Variants in HYDIN observed in about 807,000 individuals in gnomAD.
HYDIN encodes the protein axonemal central pair apparatus protein HYDIN.
Under a neutral mutation model 403.9 loss-of-function variants are expected in HYDIN, and 132 were observed. The ratio of observed to expected loss-of-function variants is 0.33; its 90% confidence interval spans 0.28 to 0.38. The LOEUF is 0.38. Ranked by LOEUF, HYDIN falls within the 10% of genes least tolerant of loss-of-function variation. HYDIN has a pLI of 1.00. For missense variants in HYDIN, 2,827 were observed against 5,009.5 expected (o/e 0.56, Z 13.15); for synonymous variants, 1,202 against 1,891.7 (o/e 0.64, Z 9.46).
At chr16:71,185,680 C>T (rs2087114025) in intron 2 of HYDIN, among the ~76,000 whole-genome samples, 1 of 152,028 alleles carries the variant, frequency 6.6e-6, no homozygotes, top group African/African-American at 2.4e-5. Flanking sequence ...AGTAACCTAG[C>T]ATTTAAATAA....
At chr16:70,957,328 A>ATTTTT (rs567388952) in intron 39 of HYDIN, among the ~76,000 whole-genome samples, 1 of 137,528 alleles carries the variant, frequency 7.3e-6, no homozygotes, top group African/African-American at 2.7e-5. Flanking sequence ...TTTCCTTCCT[A>ATTTTT]TTTTTTTTTT....
chr16:70,808,567 A>T (rs2035252577), intron 85 of HYDIN, among the ~76,000 whole-genome samples: 1 of 152,180 alleles, frequency 6.6e-6, no homozygotes, highest in Non-Finnish European at 1.5e-5. Flanking sequence ...AGAGACTGAG[A>T]TGAGCAGGGT....
chr16:70,942,749 T>C, intron 42 of HYDIN, among the ~76,000 whole-genome samples: 1 of 152,148 alleles, frequency 6.6e-6, no homozygotes. Flanking sequence ...ATTCCTTCTC[T>C]GCAGCTAAAC....
rs1597177084 is a variant in HYDIN at position 70,871,040 on chromosome 16, A to C, written c.11091+997T>G. 3.3e-5 allele frequency among the ~76,000 whole-genome samples: 5 copies of C among 152,270 alleles called. No homozygotes were observed. In the East Asian group the frequency reaches 9.6e-4, roughly 29 times the overall value. ...AGTGAGACTATCTCAACAAACAAAC[A>C]AAAACAAAAAAAAGTAGTATCTGCC... On this transcript the variant is annotated intron_variant, in intron 65 of 85. Transcript: ENST00000393567.
At chr16:71,098,546 ATT>A (rs1476414485) in intron 10 of HYDIN, among the ~76,000 whole-genome samples, 7 of 151,146 alleles carry the variant, frequency 4.6e-5, no homozygotes, top group Non-Finnish European at 1.5e-5. Context: ...CTACTCTATT[ATT>A]TTTGAGGTCT....
Position 70,818,556 on chromosome 16 carries a change from T to C in HYDIN, c.14444A>G (p.Glu4815Gly), listed in dbSNP as rs769887534. 7.3e-5 allele frequency: 85 copies of C among 1,158,296 alleles called. 1 individual carries two copies. The African/African-American group carries it at 1.3e-3, about 18-fold the overall frequency. 71.8% of individuals were successfully genotyped at this position (1,158,296 alleles called of 1,614,324 possible). A position where few individuals can be genotyped will look rare whatever the true frequency, so the allele number is the denominator to read the frequency against. The change falls in exon 84 of 86, where the codon GAG becomes GGG. Residue 4815 changes from glutamate (E) to glycine (G), a missense_variant. Physicochemically the swap from Glu to Gly is moderately conservative, Grantham distance 98. Coordinates refer to ENST00000393567, the MANE Select transcript of HYDIN (RefSeq NM_001270974.2). ...TYAAKVIFRN[E>G]VTNEFLYYNV... Reference sequence around the variant, plus strand: ...GTAGTACAAGAACTCATTTGTCACCTCGTTTCGGAAGATCACCTGCATTCA... The same window carrying C: ...GTAGTACAAGAACTCATTTGTCACCCCGTTTCGGAAGATCACCTGCATTCA...
intron 1 of HYDIN, among the ~76,000 whole-genome samples, chr16:71,194,583 A>T (rs569319006): frequency 6.6e-6 from 1 of 152,322 alleles, no homozygotes; most frequent in Admixed American, 6.5e-5. Context: ...TAACAATAAA[A>T]AGAGTGAGCC....
Position 70,805,421 on chromosome 16 carries a change from G to A in HYDIN, c.*2159C>T, listed in dbSNP as rs1270813842. ...GCCACTCCGAATAACCAGGAGGCTC[G>A]AGGCTTTAGAGTCGTGGTTCTCACA... On this transcript the variant is annotated 3_prime_UTR_variant, in exon 86 of 86. Coordinates refer to ENST00000393567, the MANE Select transcript of HYDIN (RefSeq NM_001270974.2). 3.3e-5 allele frequency among the ~76,000 whole-genome samples: 5 copies of A among 152,170 alleles called. No homozygotes were observed. The highest frequency in any genetic ancestry group is 2.0e-4 in the Admixed American group (3 of 15,282).
chr16:71,002,682 T>A (rs1223954995), intron 23 of HYDIN, among the ~76,000 whole-genome samples: 1 of 147,508 alleles, frequency 6.8e-6, no homozygotes, highest in Non-Finnish European at 1.5e-5. Context: ...GGAATTAATT[T>A]TTTTTTTTTT....
Position 70,943,805 on chromosome 16 carries a change from G to A in HYDIN, c.6669+7C>T. ...CCTGCAGCTCTGTGCAGGTGGCATG[G>A]ACCCACCTGTATCCGCTCTGCCAGG... is the stretch of plus-strand genomic sequence containing the variant. On this transcript the variant is annotated splice_region_variant and intron_variant, in intron 42 of 85. Coordinates refer to ENST00000393567, the MANE Select transcript of HYDIN (RefSeq NM_001270974.2). The A allele has an allele frequency of 6.2e-7, 1 of 1,610,980 alleles. No homozygotes were observed. The highest frequency in any genetic ancestry group is 8.5e-7 in the Non-Finnish European group (1 of 1,179,870).
intron 69 of HYDIN, 85 bp from the exon 70 acceptor site, chr16:70,860,986 A>G (rs1532832): frequency 0.086 from 87,611 of 1,013,488 alleles, 9,887 homozygotes; most frequent in African/African-American, 0.52. Flanking sequence ...TCTTATATCC[A>G]CCAGAATGTG....
At chr16:71,199,216 A>G (rs1743365434) in intron 1 of HYDIN, among the ~76,000 whole-genome samples, 1 of 152,186 alleles carries the variant, frequency 6.6e-6, no homozygotes, top group African/African-American at 2.4e-5. Flanking sequence ...AAGTCCTTTA[A>G]ATATTTTAAA....
chr16:71,084,457 G>A (rs1329335639), intron 12 of HYDIN, among the ~76,000 whole-genome samples: 7 of 150,536 alleles, frequency 4.7e-5, no homozygotes, highest in South Asian at 4.3e-4. Context: ...CACAATCTCC[G>A]CTCACTGCAA....
intron 36 of HYDIN, among the ~76,000 whole-genome samples, chr16:70,968,842 T>C (rs8059943): frequency 2.6e-5 from 4 of 152,238 alleles, no homozygotes; most frequent in African/African-American, 7.2e-5. Context: ...GTGATATTAG[T>C]TATCTTTCAA....
intron 58 of HYDIN, among the ~76,000 whole-genome samples, chr16:70,884,708 A>C (rs1454692364): frequency 6.6e-6 from 1 of 151,776 alleles, no homozygotes; most frequent in Non-Finnish European, 1.5e-5. Context: ...AACAAAACAA[A>C]ACAAAACAAA....
intron 60 of HYDIN, among the ~76,000 whole-genome samples, chr16:70,882,128 CT>C (rs1303757327): frequency 6.6e-6 from 1 of 152,206 alleles, no homozygotes; most frequent in East Asian, 1.9e-4. Context: ...AAGGATTTAG[CT>C]TTTTAAGCCT....
intron 78 of HYDIN, among the ~76,000 whole-genome samples, chr16:70,834,874 A>ATGTG (rs976761309): frequency 2.1e-4 from 31 of 146,130 alleles, no homozygotes; most frequent in Non-Finnish European, 4.5e-4. Flanking sequence ...ACATATATAT[A>ATGTG]TGTGTGTGTG....
intron 3 of HYDIN, among the ~76,000 whole-genome samples, chr16:71,179,631 G>A (rs1343921939): frequency 6.6e-6 from 1 of 152,228 alleles, no homozygotes; most frequent in Admixed American, 6.5e-5. Flanking sequence ...AATGGGATGT[G>A]TGCCCTGGTT....
At position 71,027,622 on chromosome 16, in the gene HYDIN, C is replaced by T. The variant is rs189270638; in HGVS notation, c.3022G>A (p.Gly1008Ser). ...PGQAIDVILEGYSATPRIVKE... is the reference protein window; with the variant it reads ...PGQAIDVILESYSATPRIVKE... ...CTTACCCTGGGAGTAGCAGAATAGC[C>T]TTCGAGTATCACATCAATTGCCTGG... The change falls in exon 20 of 86, where the codon GGC becomes AGC. Residue 1008 changes from glycine (G) to serine (S), a missense_variant. Physicochemically the swap from Gly to Ser is moderately conservative, Grantham distance 56. Coordinates refer to ENST00000393567, the MANE Select transcript of HYDIN (RefSeq NM_001270974.2). The T allele has an allele frequency of 5.5e-5, 88 of 1,613,852 alleles. No individual in the cohort carries two copies. In the East Asian group the frequency reaches 1.8e-3, roughly 33 times the overall value.
Sources: allele counts gnomAD v4.1 joint callset (sites outside exome capture counted in the v4.1 genomes callset), GRCh38; gene constraint gnomAD v4.1.1; transcripts MANE v1.5; gene names NCBI Gene and HGNC (gene_info 2026-07-23, HGNC 2026-07-21).